The following TAX1BP1 variants were observed in gnomAD, a reference collection of about 807,000 sequenced individuals.
The protein encoded by TAX1BP1 is tax1-binding protein 1.
Under a neutral mutation model 97.7 loss-of-function variants are expected in TAX1BP1, and 62 were observed. That is an observed-to-expected ratio of 0.63 (90% CI 0.52 to 0.78). TAX1BP1 has a LOEUF of 0.78. Among genes scored for constraint, TAX1BP1 ranks in the 30% least tolerant of loss-of-function variants. TAX1BP1 has a pLI of 0.00. For missense variants in TAX1BP1, 867 were observed against 916.1 expected, an observed-to-expected ratio of 0.95 and a Z score of 0.69; for synonymous variants, 340 against 304.2, an observed-to-expected ratio of 1.12 and a Z score of -1.23.
intron 3 of TAX1BP1, among the ~76,000 whole-genome samples, chr7:27,760,494 G>T (rs1222959762): frequency 6.7e-6 from 1 of 150,300 alleles, no homozygotes; most frequent in African/African-American, 2.5e-5. Flanking sequence ...CTTAGTTTTC[G>T]CCATTCTCCT....
chr7:27,788,498 G>A (rs1426363292), intron 8 of TAX1BP1, among the ~76,000 whole-genome samples: 3 of 151,894 alleles, frequency 2.0e-5, no homozygotes, highest in Non-Finnish European at 2.9e-5. Flanking sequence ...ATAGAAAAAT[G>A]GTGATTTAAA....
At chr7:27,742,268 A>G (rs1029973544) in intron 1 of TAX1BP1, among the ~76,000 whole-genome samples, 1 of 152,120 alleles carries the variant, frequency 6.6e-6, no homozygotes, top group Non-Finnish European at 1.5e-5. Context: ...AGACTATCAC[A>G]TGGGGAGAAA....
In TAX1BP1 at chr7:27,809,569, A is replaced by C. The variant is rs1377671842; in HGVS notation, c.1765-6780A>C. On this transcript the variant is annotated intron_variant, in intron 13 of 16. Coordinates refer to ENST00000396319, the MANE Select transcript of TAX1BP1 (RefSeq NM_006024.7). ...GGGAGAGTTCAGTCTTCTGATTTGCAAAAGAACCTAACCTTAACTATCTTG... is the reference window on the plus strand; with the variant it reads ...GGGAGAGTTCAGTCTTCTGATTTGCCAAAGAACCTAACCTTAACTATCTTG... Among the ~76,000 whole-genome samples, 3 of 152,316 alleles carry C rather than the reference A, an allele frequency of 2.0e-5. No homozygotes were observed. In the East Asian group the frequency reaches 5.8e-4, roughly 29 times the overall value.
Position 27,794,417 on chromosome 7 carries a change from C to T in TAX1BP1, c.1505C>T (p.Thr502Ile), listed in dbSNP as rs2128318619. 6.2e-7 allele frequency: 1 copy of T among 1,611,526 alleles called. No homozygotes were observed. Among genetic ancestry groups the T allele is most frequent in the Non-Finnish European group, 8.5e-7 (1 of 1,178,780 alleles). Reference protein sequence around the residue: ...VNTDPATSASTVDVKPSPSAA... With the variant: ...VNTDPATSASIVDVKPSPSAA... ...ACAGACCCAGCCACTTCTGCCTCTA[C>T]TGTAGATGTAAAGCCATCACCTTCT... The change falls in exon 11 of 17, where the codon ACT becomes ATT. Residue 502 changes from threonine (T) to isoleucine (I), a missense_variant. Transcript: ENST00000396319.
chr7:27,771,101 T>A (rs895243596), intron 5 of TAX1BP1, among the ~76,000 whole-genome samples: 1,082 of 89,052 alleles, frequency 0.012, 11 homozygotes, highest in Non-Finnish European at 0.018. Flanking sequence ...TCAGCAATTT[T>A]TTTTTTTTTT....
chr7:27,751,598 T>C (rs953186025), intron 2 of TAX1BP1, among the ~76,000 whole-genome samples: 1 of 152,190 alleles, frequency 6.6e-6, no homozygotes, highest in Admixed American at 6.5e-5. Context: ...TTCTTGGAAG[T>C]AGAATCACCA....
intron 8 of TAX1BP1, among the ~76,000 whole-genome samples, chr7:27,790,169 TC>T (rs1031668993): frequency 1.3e-5 from 2 of 152,128 alleles, no homozygotes; most frequent in Non-Finnish European, 2.9e-5. Flanking sequence ...ATACATTTTT[TC>T]CTTTTAAAAA....
At chr7:27,826,550 A>G (rs906212380) in intron 15 of TAX1BP1, among the ~76,000 whole-genome samples, 29 of 152,222 alleles carry the variant, frequency 1.9e-4, no homozygotes, top group African/African-American at 7.0e-4. Flanking sequence ...GCGCTTGGGG[A>G]TATGCTGTTA....
At chr7:27,786,156 G>C (rs950191440) in intron 7 of TAX1BP1, among the ~76,000 whole-genome samples, 1 of 149,322 alleles carries the variant, frequency 6.7e-6, no homozygotes, top group African/African-American at 2.5e-5. Flanking sequence ...TTTTGAGATG[G>C]AGTCTCGCTC....
At chr7:27,780,368 T>C (rs1217065193) in intron 5 of TAX1BP1, among the ~76,000 whole-genome samples, 1 of 152,230 alleles carries the variant, frequency 6.6e-6, no homozygotes, top group Non-Finnish European at 1.5e-5. Context: ...TTACTAGCTG[T>C]GTAACCTTTG....
intron 1 of TAX1BP1, among the ~76,000 whole-genome samples, chr7:27,743,751 T>G: frequency 2.0e-5 from 3 of 150,948 alleles, no homozygotes; most frequent in African/African-American, 4.9e-5. Flanking sequence ...TCACTTACAG[T>G]TAGTTTAGTA....
chr7:27,741,462 A>G (rs901663337), intron 1 of TAX1BP1, among the ~76,000 whole-genome samples: 3 of 152,024 alleles, frequency 2.0e-5, no homozygotes, highest in Middle Eastern at 3.2e-3. Flanking sequence ...TTCAACTTCA[A>G]AGAACATTGT....
intron 2 of TAX1BP1, among the ~76,000 whole-genome samples, chr7:27,757,253 T>C (rs1788255838): frequency 6.6e-6 from 1 of 152,138 alleles, no homozygotes. Context: ...TAACATGGTA[T>C]TTAGTCCATC....
At chr7:27,770,058 C>T (rs2128312548) in intron 5 of TAX1BP1, among the ~76,000 whole-genome samples, 1 of 152,100 alleles carries the variant, frequency 6.6e-6, no homozygotes, top group Non-Finnish European at 1.5e-5. Flanking sequence ...TGGTACCAGG[C>T]TTGTTGAGGT....
intron 2 of TAX1BP1, among the ~76,000 whole-genome samples, chr7:27,753,520 T>C (rs2391485): frequency 0.58 from 88,193 of 152,006 alleles, 26,511 homozygotes; most frequent in East Asian, 0.79. Flanking sequence ...CAGTTAAAGA[T>C]CCCCAGTGGA....
chr7:27,806,951 C>G (rs551298317), intron 13 of TAX1BP1, among the ~76,000 whole-genome samples: 3 of 151,944 alleles, frequency 2.0e-5, no homozygotes, highest in African/African-American at 7.2e-5. Flanking sequence ...TAATTTTCTT[C>G]CTATGGGTGT....
rs201357832 is a variant in TAX1BP1 at position 27,772,932 on chromosome 7, ACT to A, written c.612+3101_612+3102del. ...ATGTACATCCTAGATTTAAAAAGTA[ACT>A]CTATTATTAAGGATAATTTTCCATT... On this transcript the variant is annotated intron_variant, in intron 5 of 16. Coordinates refer to ENST00000396319, the MANE Select transcript of TAX1BP1 (RefSeq NM_006024.7). 6.5e-3 allele frequency among the ~76,000 whole-genome samples: 993 copies of A among 152,092 alleles called. 13 individuals carry two copies. Among genetic ancestry groups the A allele is most frequent in the African/African-American group, 0.023 (945 of 41,516 alleles).
At chr7:27,741,871 G>A (rs1456417983) in intron 1 of TAX1BP1, among the ~76,000 whole-genome samples, 3 of 152,186 alleles carry the variant, frequency 2.0e-5, no homozygotes, top group African/African-American at 7.2e-5. Context: ...CTATGTCAGG[G>A]TCACAAGACA....
chr7:27,753,698 C>T (rs1788104636), intron 2 of TAX1BP1, among the ~76,000 whole-genome samples: 1 of 151,760 alleles, frequency 6.6e-6, no homozygotes, highest in African/African-American at 2.4e-5. Context: ...GATACCCAGC[C>T]TGCATCATTA....
Sources: gnomAD v4.1 joint callset for allele counts (sites outside exome capture counted in the v4.1 genomes callset) on GRCh38, gnomAD v4.1.1 for gene constraint, MANE v1.5 for transcripts, NCBI Gene and HGNC (gene_info 2026-07-23, HGNC 2026-07-21) for gene names.